DNAJB12: variants seen among roughly 807,000 people sequenced by gnomAD.
The protein encoded by DNAJB12 is DnaJ heat shock protein family (Hsp40) member B12.
Under a neutral mutation model 40.6 loss-of-function variants are expected in DNAJB12, and 14 were observed. That is an observed-to-expected ratio of 0.34 (90% CI 0.23 to 0.54). DNAJB12 has a LOEUF of 0.54. Ranked by LOEUF, DNAJB12 falls within the 20% of genes least tolerant of loss-of-function variation. The probability of loss-of-function intolerance (pLI) is 0.92; values close to 1 mark genes in which losing one functional copy is unlikely to be tolerated. For synonymous variants in DNAJB12, 181 were observed against 199.5 expected (o/e 0.91, Z 0.78); for missense variants, 444 against 501.7 (o/e 0.89, Z 1.10).
intron 1 of DNAJB12, among the ~76,000 whole-genome samples, chr10:72,346,103 C>T (rs931681450): frequency 2.0e-5 from 3 of 152,098 alleles, no homozygotes; most frequent in African/African-American, 7.2e-5. Flanking sequence ...TGATAGTCTT[C>T]CAAAAGCACA....
chr10:72,336,499 GC>G (rs1280525788), intron 7 of DNAJB12, 24 bp downstream of exon 7: 29 of 1,607,502 alleles, frequency 1.8e-5, no homozygotes, highest in Non-Finnish European at 2.4e-5. Flanking sequence ...CCCAAATACA[GC>G]CCCCGCCTTC....
chr10:72,342,159 TC>T (rs1343773520), intron 3 of DNAJB12, among the ~76,000 whole-genome samples: 1 of 151,712 alleles, frequency 6.6e-6, no homozygotes, highest in East Asian at 1.9e-4. Flanking sequence ...CTGGGGTGAG[TC>T]CCCCACTCTC....
In DNAJB12 at chr10:72,334,411, C is replaced by A. The variant is rs1825043520; in HGVS notation, c.*237G>T. The A allele has an allele frequency of 1.3e-6, 1 of 761,794 alleles. No homozygotes were observed. The highest frequency in any genetic ancestry group is 1.6e-5 in the South Asian group (1 of 64,236). The allele number at this position is 761,794 out of a possible 1,614,324, so 47.2% of individuals were successfully genotyped here. A position where few individuals can be genotyped will look rare whatever the true frequency, so the allele number is the denominator to read the frequency against. ...AGGCGATGCGGAGCCTCCGCCAGCC[C>A]TGCGAGGGAGGGAAGCAGCCCCATG... On this transcript the variant is annotated 3_prime_UTR_variant, in exon 9 of 9. Transcript: ENST00000444643.
At position 72,341,167 on chromosome 10, in the gene DNAJB12, A is replaced by G. The variant is rs144190908; in HGVS notation, c.461T>C (p.Ile154Thr). 2 of 1,601,894 alleles carry G rather than the reference A, an allele frequency of 1.2e-6. No individual in the cohort carries two copies. Among genetic ancestry groups the G allele is most frequent in the African/African-American group, 1.3e-5 (1 of 74,806 alleles). ...GCTGAGTACCGCATATGCTGTGCCA[A>G]TGGCTGGAGAGGAGGAGGAAAGGTC... ...APGATEAFKA[I>T]GTAYAVLSNP... is the part of the protein sequence containing the mutation. The change falls in exon 4 of 9, where the codon ATT becomes ACT. Residue 154 changes from isoleucine to threonine, a missense_variant. Ile to Thr is a moderately conservative substitution (Grantham distance 89). Coordinates refer to ENST00000444643, the MANE Select transcript of DNAJB12 (RefSeq NM_017626.7).
At position 72,333,804 on chromosome 10, in the gene DNAJB12, T is replaced by C. The variant is rs1306000886; in HGVS notation, c.*844A>G. On this transcript the variant is annotated 3_prime_UTR_variant, in exon 9 of 9. Coordinates refer to ENST00000444643, the MANE Select transcript of DNAJB12 (RefSeq NM_017626.7). ...AGGTGGTCTCACCCAAGCAGGTCCT[T>C]GTGGGGCCTCTACTGTGACTCAATA... 3 of 152,628 alleles carry C rather than the reference T, an allele frequency of 2.0e-5. No homozygotes were observed. Among genetic ancestry groups the C allele is most frequent in the East Asian group, 3.9e-4 (2 of 5,184 alleles). 9.5% of individuals were successfully genotyped at this position (152,628 alleles called of 1,614,324 possible). A position where few individuals can be genotyped will look rare whatever the true frequency, so the allele number is the denominator to read the frequency against.
chr10:72,354,662 G>T, intron 1 of DNAJB12, 103 bp downstream of exon 1: 1 of 1,128,552 alleles, frequency 8.9e-7, no homozygotes, highest in Non-Finnish European at 1.2e-6. Flanking sequence ...GCGTAGCCGC[G>T]CCTCGCCACC....
At chr10:72,350,861 T>C (rs1336457388) in intron 1 of DNAJB12, among the ~76,000 whole-genome samples, 2 of 152,192 alleles carry the variant, frequency 1.3e-5, no homozygotes, top group African/African-American at 4.8e-5. Flanking sequence ...GTGGGGCTCA[T>C]GAAGGTTGAC....
intron 1 of DNAJB12, chr10:72,354,434 C>T (rs539327504): frequency 9.9e-6 from 3 of 303,526 alleles, no homozygotes; most frequent in East Asian, 6.1e-5. Flanking sequence ...CCGAACGGCC[C>T]CTTGGGAAAA....
chr10:72,335,531 C>A lies in DNAJB12; in HGVS notation c.*30+249G>T. 8.1e-7 allele frequency: 1 copy of A among 1,238,798 alleles called. No homozygotes were observed. The highest frequency in any genetic ancestry group is 1.0e-6 in the Non-Finnish European group (1 of 980,944). 76.7% of individuals were successfully genotyped at this position (1,238,798 alleles called of 1,614,324 possible). ...CCCACTCTGCCTGGTTCTGGGGTCC[C>A]CCACACCCCTGGAGCCAGGGAGCAG... On this transcript the variant is annotated intron_variant, in intron 8 of 8. Coordinates refer to ENST00000444643, the MANE Select transcript of DNAJB12 (RefSeq NM_017626.7). The surrounding 1 kb of genome is among the most constrained non-coding windows in gnomAD (Gnocchi z 4.4).
chr10:72,340,668 T>C (rs1861607724), intron 5 of DNAJB12, 121 bp downstream of exon 5: 5 of 1,002,442 alleles, frequency 5.0e-6, no homozygotes, highest in Non-Finnish European at 7.5e-6. Context: ...TGGCTGAGAG[T>C]TATGGGGACT....
chr10:72,343,320 CAGG>C, intron 3 of DNAJB12, 43 bp downstream of exon 3: 1 of 1,589,276 alleles, frequency 6.3e-7, no homozygotes. Flanking sequence ...CTGCCATGGA[CAGG>C]AGATGAACAC....
chr10:72,334,278 G>A lies in DNAJB12; in HGVS notation c.*370C>T. On this transcript the variant is annotated 3_prime_UTR_variant, in exon 9 of 9. Coordinates refer to ENST00000444643, the MANE Select transcript of DNAJB12 (RefSeq NM_017626.7). ...AGAGGTGGCTGGTGGTGGCTCCTGT[G>A]AGGGAGGAAAGGCAGCTGGGTGCCC... 2.3e-6 allele frequency: 1 copy of A among 430,872 alleles called. No homozygotes were observed. Among genetic ancestry groups the A allele is most frequent in the South Asian group, 2.5e-5 (1 of 40,458 alleles). 26.7% of individuals were successfully genotyped at this position (430,872 alleles called of 1,614,324 possible).
At chr10:72,341,836 A>G (rs1241995285) in intron 3 of DNAJB12, among the ~76,000 whole-genome samples, 4 of 152,168 alleles carry the variant, frequency 2.6e-5, no homozygotes, top group Non-Finnish European at 5.9e-5. Flanking sequence ...AGGCTCAGAG[A>G]AGTGACTGCC....
At position 72,354,860 on chromosome 10, in the gene DNAJB12, C is replaced by T. The variant is rs367834327; in HGVS notation, c.38G>A (p.Ser13Asn). Residue 13 changes from serine to asparagine, a missense_variant, in exon 1 of 9, where the codon AGC (serine) becomes AAC (asparagine). Transcript: ENST00000444643. Reference sequence around the variant, plus strand: ...GCTCTGGATGGCCTTGAGGGCGATGCTGATACAGCGCTCAGCTTCATCCTT... The same window carrying T: ...GCTCTGGATGGCCTTGAGGGCGATGTTGATACAGCGCTCAGCTTCATCCTT... ...SNKDEAERCI[S>N]IALKAIQSNQ... The T allele has an allele frequency of 6.2e-7, 1 of 1,614,002 alleles. No individual in the cohort carries two copies. Among genetic ancestry groups the T allele is most frequent in the Non-Finnish European group, 8.5e-7 (1 of 1,179,958 alleles).
chr10:72,344,560 G>A (rs1458232165), intron 2 of DNAJB12, among the ~76,000 whole-genome samples: 2 of 152,274 alleles, frequency 1.3e-5, no homozygotes, highest in African/African-American at 2.4e-5. Context: ...TGATCTAAAA[G>A]GGTCTTTGTT....
At position 72,332,951 on chromosome 10, in the gene DNAJB12, A is replaced by C. The variant is rs1169936129; in HGVS notation, c.*1697T>G. 1 of 152,662 alleles carries C rather than the reference A, an allele frequency of 6.6e-6. No individual in the cohort carries two copies. The highest frequency in any genetic ancestry group is 2.4e-5 in the African/African-American group (1 of 41,460). The allele number at this position is 152,662 out of a possible 1,614,324, so 9.5% of individuals were successfully genotyped here. On this transcript the variant is annotated 3_prime_UTR_variant, in exon 9 of 9. Coordinates refer to ENST00000444643, the MANE Select transcript of DNAJB12 (RefSeq NM_017626.7). Reference sequence around the variant, plus strand: ...TTATTGCACATGGCTCAGCCCGTCTAGGGACATCTACCAAGACCAGATGGT... The same window carrying C: ...TTATTGCACATGGCTCAGCCCGTCTCGGGACATCTACCAAGACCAGATGGT...
At chr10:72,337,544 A>T (rs1861511549) in intron 6 of DNAJB12, among the ~76,000 whole-genome samples, 1 of 152,206 alleles carries the variant, frequency 6.6e-6, no homozygotes, top group African/African-American at 2.4e-5. Context: ...TCATTAAACT[A>T]ATATTGTTGA....
At chr10:72,336,456 TC>T (rs1861476109) in intron 7 of DNAJB12, 67 bp downstream of exon 7, 2 of 1,515,154 alleles carry the variant, frequency 1.3e-6, no homozygotes, top group Non-Finnish European at 1.8e-6. Flanking sequence ...GCTCTCTCCT[TC>T]CCCTGCTTTC....
chr10:72,335,830 G>T lies in DNAJB12; in HGVS notation c.1108C>A (p.Gln370Lys). 6.2e-7 allele frequency: 1 copy of T among 1,614,162 alleles called. No homozygotes were observed. Among genetic ancestry groups the T allele is most frequent in the Non-Finnish European group, 8.5e-7 (1 of 1,180,006 alleles). The change falls in exon 8 of 9, where the codon CAG (glutamine) becomes AAG (lysine). Residue 370 changes from glutamine to lysine, a missense_variant. Physicochemically the swap from Gln to Lys is moderately conservative, Grantham distance 53. Coordinates refer to ENST00000444643, the MANE Select transcript of DNAJB12 (RefSeq NM_017626.7). The surrounding 1 kb of genome is among the most constrained non-coding windows in gnomAD (Gnocchi z 4.4). ...TPSCSRLSEV[Q>K]ASLHG ...CAGGACTATCCATGCAGGGAGGCCT[G>T]CACCTCTGACAGTCGGCTGCAGCTG...
Sources: allele counts gnomAD v4.1 joint callset (sites outside exome capture counted in the v4.1 genomes callset), GRCh38; gene constraint gnomAD v4.1.1; non-coding constraint Gnocchi (gnomAD v3.1); transcripts MANE v1.5; gene names NCBI Gene and HGNC (gene_info 2026-07-23, HGNC 2026-07-21).